EYS: variants seen among roughly 807,000 people sequenced by gnomAD.
EYS encodes the protein EGF-like photoreceptor maintenance factor.
Under a neutral mutation model 282.1 loss-of-function variants are expected in EYS, and 250 were observed. The ratio of observed to expected loss-of-function variants is 0.89; its 90% CI spans 0.80 to 0.98. The LOEUF (loss-of-function observed/expected upper bound fraction) is 0.98, where lower values mean the gene tolerates loss of function less well. EYS is among the 50% of genes least tolerant of loss of function. EYS has a pLI of 0.00. For synonymous variants in EYS, 1,355 were observed against 1,282.9 expected, an observed-to-expected ratio of 1.06 and a Z score of -1.20; for missense variants, 4,016 against 3,709.0, an observed-to-expected ratio of 1.08 and a Z score of -2.15.
intron 26 of EYS, among the ~76,000 whole-genome samples, chr6:64,526,077 C>A (rs1215663727): frequency 3.3e-5 from 5 of 151,638 alleles, no homozygotes; most frequent in African/African-American, 1.2e-4. Flanking sequence ...GTGAAAAAAG[C>A]AAATCCTAAA....
intron 14 of EYS, among the ~76,000 whole-genome samples, chr6:64,985,931 T>A (rs187788816): frequency 6.6e-6 from 1 of 151,682 alleles, no homozygotes; most frequent in Admixed American, 6.6e-5. Context: ...TCTACTCAGC[T>A]GCTTCTACTT....
chr6:63,778,165 A>T lies in EYS; in HGVS notation c.7739T>A (p.Leu2580His). ...GCCATCCTTCTCAGTGCGAACTTGA[A>T]GAGTGAAAATACAGCCTTGAAGAAA... ...KNGFQGCIFT[L>H]QVRTEKDGHF... is the part of the protein sequence containing the mutation. The change falls in exon 40 of 43, where the codon CTT (leucine) becomes CAT (histidine). Residue 2580 changes from leucine (L) to histidine (H), a missense_variant. Physicochemically the swap from Leu to His is moderately conservative, Grantham distance 99. Coordinates refer to ENST00000503581, the MANE Select transcript of EYS (RefSeq NM_001142800.2). The T allele has an allele frequency of 6.4e-7, 1 of 1,551,910 alleles. No individual in the cohort carries two copies. The highest frequency in any genetic ancestry group is 8.7e-7 in the Non-Finnish European group (1 of 1,146,962).
At chr6:63,868,126 T>C (rs1419797659) in intron 35 of EYS, among the ~76,000 whole-genome samples, 4 of 152,162 alleles carry the variant, frequency 2.6e-5, no homozygotes, top group African/African-American at 4.8e-5. Context: ...ATGTGCATTA[T>C]GTTTAACTTC....
chr6:65,259,975 C>T (rs1367348338), intron 12 of EYS, among the ~76,000 whole-genome samples: 2 of 151,972 alleles, frequency 1.3e-5, no homozygotes, highest in African/African-American at 4.8e-5. Context: ...ATATATTAGT[C>T]CATTTTCATA....
chr6:65,592,206 A>G (rs1415856385), intron 2 of EYS, among the ~76,000 whole-genome samples: 6 of 152,024 alleles, frequency 3.9e-5, no homozygotes, highest in Non-Finnish European at 8.8e-5. Flanking sequence ...TAACTTTAAA[A>G]AAAGCCTTTA....
intron 34 of EYS, among the ~76,000 whole-genome samples, chr6:63,986,775 T>C (rs1324632459): frequency 6.6e-6 from 1 of 151,554 alleles, no homozygotes; most frequent in Non-Finnish European, 1.5e-5. Flanking sequence ...TGGGGTCTAC[T>C]TGAGGGTAAA....
chr6:65,358,963 G>C (rs1251409557), intron 8 of EYS, among the ~76,000 whole-genome samples: 1 of 151,984 alleles, frequency 6.6e-6, no homozygotes, highest in Admixed American at 6.6e-5. Flanking sequence ...CTTTTAGTGA[G>C]TTGAATGCCA....
chr6:63,905,622 G>A (rs1297145934), intron 35 of EYS, among the ~76,000 whole-genome samples: 1 of 152,012 alleles, frequency 6.6e-6, no homozygotes, highest in Non-Finnish European at 1.5e-5. Context: ...AAGCCACCGC[G>A]CCTGGCCAAA....
intron 15 of EYS, among the ~76,000 whole-genome samples, chr6:64,943,497 T>C (rs1172215067): frequency 6.6e-6 from 1 of 152,080 alleles, no homozygotes; most frequent in Non-Finnish European, 1.5e-5. Context: ...AATCGATGTA[T>C]ACAAATCAGT....
rs190480583 is a variant in EYS, at chr6:64,507,868, A to G, written c.5645-68516T>C. On this transcript the variant is annotated intron_variant, in intron 26 of 42. Coordinates refer to ENST00000503581, the MANE Select transcript of EYS (RefSeq NM_001142800.2). ...TTTCAAAAAATGACAAGCTAATACC[A>G]CAGATAAAGAGGTCAGAAAGAATGG... 7.6e-4 allele frequency among the ~76,000 whole-genome samples: 116 copies of G among 152,264 alleles called. 1 individual carries two copies. The Middle Eastern group carries it at 0.014, about 18-fold the overall frequency.
chr6:65,413,312 T>C (rs543379433), intron 5 of EYS, among the ~76,000 whole-genome samples: 34 of 152,154 alleles, frequency 2.2e-4, no homozygotes, highest in Non-Finnish European at 4.4e-4. Flanking sequence ...ACTTGGATTA[T>C]AGCAATGTAC....
chr6:63,952,800 G>C (rs1462341288), intron 35 of EYS, among the ~76,000 whole-genome samples: 1 of 151,976 alleles, frequency 6.6e-6, no homozygotes, highest in Non-Finnish European at 1.5e-5. Flanking sequence ...ACTCCTCCTT[G>C]GGGACTGATC....
intron 29 of EYS, among the ~76,000 whole-genome samples, chr6:64,310,879 AT>A (rs1286157845): frequency 1.3e-5 from 2 of 152,172 alleles, no homozygotes; most frequent in East Asian, 3.8e-4. Context: ...TGAATTTATC[AT>A]TTATATAAAA....
At chr6:65,339,746 G>A (rs560548311) in intron 10 of EYS, among the ~76,000 whole-genome samples, 5 of 151,166 alleles carry the variant, frequency 3.3e-5, no homozygotes, top group African/African-American at 9.7e-5. Flanking sequence ...TCTGTGAGTA[G>A]GCCTTCTGTA....
At chr6:63,738,536 A>G (rs1424266783) in intron 41 of EYS, among the ~76,000 whole-genome samples, 6 of 138,868 alleles carry the variant, frequency 4.3e-5, no homozygotes, top group South Asian at 4.6e-4. Context: ...GGATTGAACA[A>G]TGAGAACACA....
chr6:65,289,711 C>T (rs573387714), intron 12 of EYS, among the ~76,000 whole-genome samples: 1 of 151,298 alleles, frequency 6.6e-6, no homozygotes, highest in African/African-American at 2.4e-5. Flanking sequence ...TCACACATTA[C>T]TAACAAATCA....
At chr6:63,810,088 A>AAAAAAGAAAAAAG (rs1258034573) in intron 36 of EYS, among the ~76,000 whole-genome samples, 3 of 151,116 alleles carry the variant, frequency 2.0e-5, no homozygotes, top group African/African-American at 7.3e-5. Flanking sequence ...TTAAAAAAAA[A>AAAAAAGAAAAAAG]AAAAAGAAAA....
At chr6:65,387,036 A>G (rs924926876) in intron 7 of EYS, among the ~76,000 whole-genome samples, 6 of 151,964 alleles carry the variant, frequency 3.9e-5, no homozygotes, top group Non-Finnish European at 8.8e-5. Context: ...AGTGGAAAAG[A>G]GGAGACAAAA....
At chr6:64,817,306 A>G (rs1333953860) in intron 21 of EYS, among the ~76,000 whole-genome samples, 6 of 152,130 alleles carry the variant, frequency 3.9e-5, no homozygotes, top group Non-Finnish European at 8.8e-5. Context: ...GTGTTCAAAT[A>G]AATCTGGATA....
Sources: gnomAD v4.1 joint callset for allele counts (sites outside exome capture counted in the v4.1 genomes callset) on GRCh38, gnomAD v4.1.1 for gene constraint, MANE v1.5 for transcripts, NCBI Gene and HGNC (gene_info 2026-07-23, HGNC 2026-07-21) for gene names.